ERBB4: variants seen among roughly 807,000 people sequenced by gnomAD.
The protein encoded by ERBB4 is erb-b2 receptor tyrosine kinase 4, also known as receptor tyrosine-protein kinase erbB-4.
A neutral mutation model predicts 158.0 loss-of-function variants in ERBB4; 42 were observed. The observed-to-expected ratio is 0.27, with a 90% confidence interval of 0.21 to 0.34. The LOEUF is 0.34. Among genes scored for constraint, ERBB4 ranks in the 10% least tolerant of loss-of-function variants. The pLI is 1.00. For synonymous variants in ERBB4, 583 were observed against 558.7 expected, an observed-to-expected ratio of 1.04 and a Z score of -0.61; for missense variants, 1,333 against 1,624.1, an observed-to-expected ratio of 0.82 and a Z score of 3.08.
Position 211,686,713 on chromosome 2 carries a change from C to T in ERBB4, c.1490-7529G>A, listed in dbSNP as rs1297088687. On this transcript the variant is annotated intron_variant, in intron 12 of 27. Coordinates refer to ENST00000342788, the MANE Select transcript of ERBB4 (RefSeq NM_005235.3). Reference sequence around the variant, plus strand: ...GGACTACAGGCGCCCGCCACCGCGCCCGGCTAATTTTTTTTGTATTTTTAG... The same window carrying T: ...GGACTACAGGCGCCCGCCACCGCGCTCGGCTAATTTTTTTTGTATTTTTAG... Among the ~76,000 whole-genome samples the T allele has an allele frequency of 2.1e-3, 2 of 956 alleles. 1 individual carries two copies. The highest frequency in any genetic ancestry group is 3.4e-3 in the African/African-American group (2 of 596). The allele number at this position is 956 out of a possible 152,430, so 0.6% of individuals were successfully genotyped here.
chr2:212,391,706 A>ATAT (rs370893389), intron 1 of ERBB4, among the ~76,000 whole-genome samples: 2,051 of 91,342 alleles, frequency 0.022, 47 homozygotes, highest in African/African-American at 0.082. Flanking sequence ...TATATATTAT[A>ATAT]TATATTGACA....
rs373497428 is a variant in ERBB4, at chr2:212,317,021, G to A, written c.83-192118C>T. Among the ~76,000 whole-genome samples, 5 of 151,582 alleles carry A rather than the reference G, an allele frequency of 3.3e-5. No homozygotes were observed. In the East Asian group the frequency reaches 5.9e-4, roughly 18 times the overall value. ...TGTTTTTCTTCCCTTGCTCATTTGT[G>A]ATATGTTCTTTATTTGATATTTTCA... On this transcript the variant is annotated intron_variant, in intron 1 of 27. Coordinates refer to ENST00000342788, the MANE Select transcript of ERBB4 (RefSeq NM_005235.3).
chr2:212,524,333 G>T (rs1170390540), intron 1 of ERBB4, among the ~76,000 whole-genome samples: 1 of 151,624 alleles, frequency 6.6e-6, no homozygotes, highest in Non-Finnish European at 1.5e-5. Flanking sequence ...TGACCTCCAG[G>T]GATAGTCCCA....
chr2:211,564,594 GC>G (rs1330483504), intron 19 of ERBB4, among the ~76,000 whole-genome samples: 2 of 152,124 alleles, frequency 1.3e-5, no homozygotes, highest in Non-Finnish European at 2.9e-5. Flanking sequence ...CCAAGTGAAT[GC>G]ATACAACAGA....
chr2:211,473,488 G>A (rs1467029451), intron 20 of ERBB4, among the ~76,000 whole-genome samples: 1 of 152,068 alleles, frequency 6.6e-6, no homozygotes, highest in Non-Finnish European at 1.5e-5. Flanking sequence ...GAATTTCTTA[G>A]TGCTCCTGTA....
intron 2 of ERBB4, among the ~76,000 whole-genome samples, chr2:211,972,769 G>T (rs1041520331): frequency 4.6e-5 from 7 of 152,110 alleles, no homozygotes; most frequent in African/African-American, 1.4e-4. Context: ...ATGGACTAAA[G>T]ATTTAAATGT....
At chr2:212,214,071 T>A (rs2083020173) in intron 1 of ERBB4, among the ~76,000 whole-genome samples, 1 of 151,968 alleles carries the variant, frequency 6.6e-6, no homozygotes, top group South Asian at 2.1e-4. Flanking sequence ...TCCTGATCCT[T>A]ACAATTGGTT....
At chr2:211,946,266 A>C (rs985835729) in intron 3 of ERBB4, among the ~76,000 whole-genome samples, 1 of 152,036 alleles carries the variant, frequency 6.6e-6, no homozygotes, top group African/African-American at 2.4e-5. Context: ...TTTATTTCAT[A>C]TGTCTGGTTA....
intron 3 of ERBB4, among the ~76,000 whole-genome samples, chr2:211,878,652 G>GTTTTTTTTTTTTTTTTTTTTTTT (rs150312098): frequency 2.0e-5 from 2 of 99,164 alleles, no homozygotes. Flanking sequence ...GACAAATTAA[G>GTTTTTTTTTTTTTTTTTTTTTTT]TTTTGTTTTT....
chr2:212,090,155 G>A (rs2078729875), intron 2 of ERBB4, among the ~76,000 whole-genome samples: 1 of 152,154 alleles, frequency 6.6e-6, no homozygotes, highest in Admixed American at 6.6e-5. Context: ...TCTAGAAGCT[G>A]TGGCACTTTG....
At chr2:212,451,764 T>G (rs570870762) in intron 1 of ERBB4, among the ~76,000 whole-genome samples, 2 of 152,210 alleles carry the variant, frequency 1.3e-5, no homozygotes, top group South Asian at 2.1e-4. Context: ...CATTTAAGTA[T>G]AGCCGAACAT....
intron 1 of ERBB4, among the ~76,000 whole-genome samples, chr2:212,160,092 G>A (rs1327650033): frequency 3.3e-5 from 5 of 151,722 alleles, no homozygotes; most frequent in Non-Finnish European, 5.9e-5. Context: ...CCTATTCTCC[G>A]GCTAAACCCC....
intron 20 of ERBB4, among the ~76,000 whole-genome samples, chr2:211,434,031 T>A (rs750876566): frequency 1.5e-4 from 23 of 152,218 alleles, no homozygotes; most frequent in Admixed American, 3.9e-4. Context: ...TATAAAATAA[T>A]CATCCTTAGT....
chr2:212,087,911 A>G (rs1408999483), intron 2 of ERBB4, among the ~76,000 whole-genome samples: 2 of 103,998 alleles, frequency 1.9e-5, no homozygotes, highest in Non-Finnish European at 4.8e-5. Context: ...AAAAGGAATA[A>G]TAATAACACT....
At chr2:212,161,872 T>C (rs78284680) in intron 1 of ERBB4, among the ~76,000 whole-genome samples, 4,367 of 151,932 alleles carry the variant, frequency 0.029, 216 homozygotes, top group African/African-American at 0.1. Context: ...TCATAACATA[T>C]ATGATCTAAA....
intron 1 of ERBB4, among the ~76,000 whole-genome samples, chr2:212,336,790 C>A (rs976091348): frequency 6.6e-6 from 1 of 151,804 alleles, no homozygotes; most frequent in Non-Finnish European, 1.5e-5. Flanking sequence ...GCTTCCCAAA[C>A]GGAAACCAAG....
At chr2:212,182,321 G>T (rs2081893990) in intron 1 of ERBB4, among the ~76,000 whole-genome samples, 1 of 151,808 alleles carries the variant, frequency 6.6e-6, no homozygotes, top group Non-Finnish European at 1.5e-5. Context: ...TATCCCACAA[G>T]AACCTGCACT....
chr2:212,479,428 G>C (rs1300695850), intron 1 of ERBB4, among the ~76,000 whole-genome samples: 1 of 152,076 alleles, frequency 6.6e-6, no homozygotes, highest in African/African-American at 2.4e-5. Context: ...GTACCCCCAA[G>C]AGGACTTCTT....
At chr2:211,423,167 T>A (rs2063548054) in intron 23 of ERBB4, among the ~76,000 whole-genome samples, 1 of 151,992 alleles carries the variant, frequency 6.6e-6, no homozygotes, top group Admixed American at 6.6e-5. Context: ...CAAAAAAGGT[T>A]AACCACAGTT....
Sources: gnomAD v4.1 joint callset for allele counts (sites outside exome capture counted in the v4.1 genomes callset) on GRCh38, gnomAD v4.1.1 for gene constraint, MANE v1.5 for transcripts, NCBI Gene and HGNC (gene_info 2026-07-23, HGNC 2026-07-21) for gene names.